The following NXPE2 variants were observed in gnomAD, a reference collection of about 807,000 sequenced individuals.
NXPE2 encodes neurexophilin and PC-esterase domain family member 2, also known as NXPE family member 2.
In NXPE2, 34 loss-of-function variants were observed where a neutral mutation model predicts 34.4. The ratio of observed to expected loss-of-function variants is 0.99; its 90% CI spans 0.75 to 1.31. The LOEUF is 1.31. NXPE2 is among the 40% of genes most tolerant of loss of function. The probability of loss-of-function intolerance (pLI) is 0.00; values close to 1 mark genes in which losing one functional copy is unlikely to be tolerated. For missense variants in NXPE2, 649 were observed against 672.5 expected (o/e 0.97, Z 0.39); for synonymous variants, 235 against 231.3 (o/e 1.02, Z -0.15).
chr11:114,513,971 T>A, the NXPE2 span, among the ~76,000 whole-genome samples: 3 of 152,214 alleles, frequency 2.0e-5, 1 homozygote, highest in Admixed American at 2.0e-4. Context: ...TTCTCTTTCA[T>A]TCCTGTCTCT....
At chr11:114,590,888 G>A in the NXPE2 span, among the ~76,000 whole-genome samples, 4 of 152,136 alleles carry the variant, frequency 2.6e-5, no homozygotes, top group Admixed American at 6.6e-5. Flanking sequence ...CTAACAGTCC[G>A]TTGGCTCCTT....
At chr11:114,633,734 G>A in the NXPE2 span, among the ~76,000 whole-genome samples, 5 of 151,602 alleles carry the variant, frequency 3.3e-5, no homozygotes, top group African/African-American at 7.3e-5. Flanking sequence ...TTGTCCTTGC[G>A]ATTGTTTACT....
the NXPE2 span, among the ~76,000 whole-genome samples, chr11:114,739,683 G>A: frequency 6.6e-6 from 1 of 152,022 alleles, no homozygotes; most frequent in African/African-American, 2.4e-5. Flanking sequence ...GTCTCCAGAA[G>A]TGACTCATTG....
the NXPE2 span, among the ~76,000 whole-genome samples, chr11:114,640,204 A>G: frequency 1.5e-5 from 2 of 136,600 alleles, no homozygotes; most frequent in South Asian, 4.5e-4. Context: ...TATATATATT[A>G]TATTTTAAAA....
the NXPE2 span, among the ~76,000 whole-genome samples, chr11:114,615,451 A>T: frequency 6.6e-6 from 1 of 152,018 alleles, no homozygotes; most frequent in African/African-American, 2.4e-5. Flanking sequence ...AACCACTGTT[A>T]CCCAGTGGAT....
At chr11:114,728,032 G>A in the NXPE2 span, among the ~76,000 whole-genome samples, 71 of 152,144 alleles carry the variant, frequency 4.7e-4, no homozygotes, top group African/African-American at 1.6e-3. Flanking sequence ...TGTTTTCTTT[G>A]CCTTCTAAAA....
the NXPE2 span, among the ~76,000 whole-genome samples, chr11:114,541,364 C>T: frequency 6.6e-6 from 1 of 151,996 alleles, no homozygotes; most frequent in Non-Finnish European, 1.5e-5. Flanking sequence ...TAACTATGCT[C>T]AATGAGGTAA....
the NXPE2 span, among the ~76,000 whole-genome samples, chr11:114,572,585 A>G: frequency 6.6e-6 from 1 of 152,202 alleles, no homozygotes; most frequent in Non-Finnish European, 1.5e-5. Context: ...GGAAATTCTC[A>G]GCAATAGAAT....
At chr11:114,693,244 T>A (rs1003239300) in intron 2 of NXPE2, among the ~76,000 whole-genome samples, 5 of 152,040 alleles carry the variant, frequency 3.3e-5, no homozygotes, top group African/African-American at 1.2e-4. Context: ...TGGGAAACCT[T>A]CTTCTTGCCC....
the NXPE2 span, among the ~76,000 whole-genome samples, chr11:114,714,319 G>T: frequency 6.6e-6 from 1 of 152,094 alleles, no homozygotes; most frequent in African/African-American, 2.4e-5. Flanking sequence ...TCTTGTTCTT[G>T]TTCATTCTTG....
At chr11:114,609,528 A>G in the NXPE2 span, among the ~76,000 whole-genome samples, 1 of 151,826 alleles carries the variant, frequency 6.6e-6, no homozygotes, top group Non-Finnish European at 1.5e-5. Context: ...CTTCGTGGGT[A>G]ACCACTGTTA....
chr11:114,652,551 G>T, the NXPE2 span, among the ~76,000 whole-genome samples: 1 of 152,148 alleles, frequency 6.6e-6, no homozygotes, highest in African/African-American at 2.4e-5. Flanking sequence ...TAAAAGAGAT[G>T]GTCCATGTAA....
chr11:114,609,250 T>C, the NXPE2 span, among the ~76,000 whole-genome samples: 1 of 151,776 alleles, frequency 6.6e-6, no homozygotes, highest in African/African-American at 2.4e-5. Flanking sequence ...TCTTACCCAG[T>C]GGTTAATAAG....
the NXPE2 span, among the ~76,000 whole-genome samples, chr11:114,632,796 A>G: frequency 1.8e-3 from 1 of 570 alleles, no homozygotes; most frequent in Non-Finnish European, 2.2e-3. Flanking sequence ...TTATATAATT[A>G]TATATAATTA....
chr11:114,608,899 G>A, the NXPE2 span, among the ~76,000 whole-genome samples: 3 of 149,410 alleles, frequency 2.0e-5, no homozygotes, highest in East Asian at 6.1e-4. Context: ...TGCCTCGTGG[G>A]TAACCACTGT....
the NXPE2 span, chr11:114,583,420 T>G: frequency 1.5e-6 from 1 of 656,650 alleles, no homozygotes; most frequent in African/African-American, 1.8e-5. Context: ...CCCATCACCC[T>G]CACAAAGCCA....
the NXPE2 span, among the ~76,000 whole-genome samples, chr11:114,750,519 C>A: frequency 6.6e-6 from 1 of 152,176 alleles, no homozygotes; most frequent in Non-Finnish European, 1.5e-5. Context: ...TTCAATCCTG[C>A]AAAGTTCTAA....
chr11:114,651,373 T>TTCGTGGTC, the NXPE2 span, among the ~76,000 whole-genome samples: 1 of 152,030 alleles, frequency 6.6e-6, no homozygotes, highest in African/African-American at 2.4e-5. Context: ...TCCTGGTGGG[T>TTCGTGGTC]TCGTGGTCTC....
the NXPE2 span, among the ~76,000 whole-genome samples, chr11:114,601,882 A>G: frequency 9.4e-3 from 12 of 1,278 alleles, no homozygotes; most frequent in East Asian, 0.35. Context: ...TATTATATAT[A>G]ATTATATATT....
Sources: allele counts gnomAD v4.1 joint callset (sites outside exome capture counted in the v4.1 genomes callset), GRCh38; gene constraint gnomAD v4.1.1; transcripts MANE v1.5; gene names NCBI Gene and HGNC (gene_info 2026-07-23, HGNC 2026-07-21).